GLI3: variants seen among roughly 807,000 people sequenced by gnomAD.
The protein encoded by GLI3 is GLI family zinc finger 3.
In GLI3, 20 loss-of-function variants were observed where a neutral mutation model predicts 100.8. The ratio of observed to expected loss-of-function variants is 0.20; its 90% confidence interval spans 0.14 to 0.29. GLI3 has a LOEUF of 0.29. GLI3 is among the 10% of genes least tolerant of loss of function. The probability of loss-of-function intolerance (pLI) is 1.00; values close to 1 mark genes in which losing one functional copy is unlikely to be tolerated. For missense variants in GLI3, 2,040 were observed against 2,128.5 expected (o/e 0.96, Z 0.82); for synonymous variants, 938 against 860.5 (o/e 1.09, Z -1.58).
chr7:42,207,976 G>T (rs1185665172), intron 2 of GLI3, among the ~76,000 whole-genome samples: 2 of 152,108 alleles, frequency 1.3e-5, no homozygotes, highest in African/African-American at 2.4e-5. Context: ...TGGCCAACGT[G>T]GCAAAACCCC....
At chr7:42,067,573 G>T (rs963941009) in intron 4 of GLI3, among the ~76,000 whole-genome samples, 1 of 152,136 alleles carries the variant, frequency 6.6e-6, no homozygotes, top group Non-Finnish European at 1.5e-5. Context: ...CCTGTTTCAT[G>T]TGTAACTTGT....
At position 42,148,346 on chromosome 7, in the gene GLI3, C is replaced by A. The variant is rs538102673; in HGVS notation, c.247G>T (p.Ala83Ser). ...EEPSTSSDER[A>S]SLIKKEIHGS... ...TGGATCTCTTTCTTGATCAATGAGGCCCTCTCGTCACTCGATGTTGAAGGT... is the reference window on the plus strand; with the variant it reads ...TGGATCTCTTTCTTGATCAATGAGGACCTCTCGTCACTCGATGTTGAAGGT... The change falls in exon 3 of 15, where the codon GCC becomes TCC. Residue 83 changes from alanine to serine, a missense_variant. Ala to Ser is a moderately conservative substitution (Grantham distance 99, BLOSUM62 1). Transcript: ENST00000395925. 1 of 1,613,970 alleles carries A rather than the reference C, an allele frequency of 6.2e-7. No homozygotes were observed. Among genetic ancestry groups the A allele is most frequent in the South Asian group, 1.1e-5 (1 of 91,040 alleles).
At chr7:42,046,289 C>T (rs375432303) in intron 5 of GLI3, among the ~76,000 whole-genome samples, 3 of 152,092 alleles carry the variant, frequency 2.0e-5, no homozygotes, top group South Asian at 2.1e-4. Flanking sequence ...TCCATGAGGT[C>T]GTCAGGAGCA....
intron 1 of GLI3, among the ~76,000 whole-genome samples, chr7:42,246,805 CTTTTTTTTTTT>C (rs71006467): frequency 1.7e-3 from 159 of 94,940 alleles, no homozygotes; most frequent in Middle Eastern, 7.9e-3. Context: ...ATGATAGAAT[CTTTTTTTTTTT>C]TTTTTTTTTT....
In GLI3 at chr7:42,076,742, T is replaced by C. The variant is rs1297900934; in HGVS notation, c.473+10A>G. On this transcript the variant is annotated intron_variant, in intron 4 of 14. Transcript: ENST00000395925. ...TCCATTTCATTAATGAAGAAAGTGT[T>C]AATACTTACATATGCAATGGAGGAA... 6.7e-7 allele frequency: 1 copy of C among 1,501,386 alleles called. No homozygotes were observed. The highest frequency in any genetic ancestry group is 1.1e-5 in the South Asian group (1 of 88,904). The allele number at this position is 1,501,386 out of a possible 1,614,324, so 93.0% of individuals were successfully genotyped here. A position where few individuals can be genotyped will look rare whatever the true frequency, so the allele number is the denominator to read the frequency against.
intron 3 of GLI3, among the ~76,000 whole-genome samples, chr7:42,089,717 A>C (rs1336031701): frequency 6.6e-6 from 1 of 152,250 alleles, no homozygotes; most frequent in Admixed American, 6.5e-5. Flanking sequence ...AAAACAAATT[A>C]CAATAATCAC....
intron 3 of GLI3, among the ~76,000 whole-genome samples, chr7:42,115,251 G>C (rs1785823842): frequency 1.4e-5 from 2 of 146,328 alleles, no homozygotes; most frequent in African/African-American, 5.1e-5. Flanking sequence ...CGATTCTCCT[G>C]CCTCAGCCTC....
In GLI3 at chr7:41,964,248, A is replaced by G. The variant is rs1562656246; in HGVS notation, c.*82T>C. On this transcript the variant is annotated 3_prime_UTR_variant, in exon 15 of 15. Transcript: ENST00000395925. ...AGATTGCTAAAATACATACAGAACTAAAAAAACAGCCAAAACAAAGTCAGT... is the reference window on the plus strand; with the variant it reads ...AGATTGCTAAAATACATACAGAACTGAAAAAACAGCCAAAACAAAGTCAGT... 1 of 1,251,202 alleles carries G rather than the reference A, an allele frequency of 8.0e-7. No homozygotes were observed. Among genetic ancestry groups the G allele is most frequent in the Non-Finnish European group, 1.2e-6 (1 of 860,346 alleles). The allele number at this position is 1,251,202 out of a possible 1,614,324, so 77.5% of individuals were successfully genotyped here.
intron 2 of GLI3, chr7:42,151,638 G>A (rs1440508431): frequency 2.6e-5 from 4 of 152,182 alleles, no homozygotes. Context: ...GCTTCTCTAT[G>A]TTTAACAGCT....
intron 1 of GLI3, among the ~76,000 whole-genome samples, chr7:42,255,002 C>A (rs1789070548): frequency 6.6e-6 from 1 of 152,162 alleles, no homozygotes; most frequent in African/African-American, 2.4e-5. Flanking sequence ...ACTGCCCCTT[C>A]CACTTTTCCA....
intron 10 of GLI3, among the ~76,000 whole-genome samples, chr7:41,984,503 ATG>A (rs1049716070): frequency 5.3e-5 from 8 of 152,144 alleles, no homozygotes; most frequent in African/African-American, 1.7e-4. Flanking sequence ...CAAGGCTCAA[ATG>A]TGTGTGTGCA....
Position 41,964,276 on chromosome 7 carries a change from A to T in GLI3, c.*54T>A. ...AAAACAGCCAAAACAAAGTCAGTTT[A>T]ATCTCTTCAACTCCTATTGATTTCC... On this transcript the variant is annotated 3_prime_UTR_variant, in exon 15 of 15. Coordinates refer to ENST00000395925, the MANE Select transcript of GLI3 (RefSeq NM_000168.6). The T allele has an allele frequency of 6.6e-7, 1 of 1,522,742 alleles. No homozygotes were observed. The highest frequency in any genetic ancestry group is 9.1e-7 in the Non-Finnish European group (1 of 1,097,922). 94.3% of individuals were successfully genotyped at this position (1,522,742 alleles called of 1,614,324 possible). A position where few individuals can be genotyped will look rare whatever the true frequency, so the allele number is the denominator to read the frequency against.
chr7:42,222,838 A>G (rs1788511780), intron 2 of GLI3: 1 of 382,968 alleles, frequency 2.6e-6, no homozygotes, highest in Non-Finnish European at 5.0e-6. Flanking sequence ...CTCTTGCCAG[A>G]CTAGTCAAGA....
intron 4 of GLI3, among the ~76,000 whole-genome samples, chr7:42,067,671 A>C (rs916059340): frequency 6.6e-6 from 1 of 152,142 alleles, no homozygotes; most frequent in Non-Finnish European, 1.5e-5. Flanking sequence ...TAGGCTGGCT[A>C]CCTAGGCCAT....
At chr7:42,230,209 T>C (rs1019940372) in intron 1 of GLI3, among the ~76,000 whole-genome samples, 5 of 152,174 alleles carry the variant, frequency 3.3e-5, no homozygotes, top group Admixed American at 6.5e-5. Flanking sequence ...TGATTATTTT[T>C]CCATAATCAG....
chr7:42,054,781 C>CA (rs1784418555), intron 4 of GLI3, among the ~76,000 whole-genome samples: 1 of 151,812 alleles, frequency 6.6e-6, no homozygotes, highest in Non-Finnish European at 1.5e-5. Flanking sequence ...CCTAGGAGTT[C>CA]AAGATCAATC....
intron 7 of GLI3, among the ~76,000 whole-genome samples, chr7:42,026,804 C>T (rs1001202238): frequency 2.3e-4 from 35 of 152,216 alleles, no homozygotes; most frequent in Non-Finnish European, 4.7e-4. Context: ...TCTTAGCTCA[C>T]ACTGCACGCT....
At position 41,994,851 on chromosome 7, in the gene GLI3, C is replaced by G. The variant is rs113461862; in HGVS notation, c.1498-16103G>C. ...AATCATTCAAGTCTTTAAAATCTTT[C>G]ATTTGACACTTCAGGCACATGCCTG... On this transcript the variant is annotated intron_variant, in intron 10 of 14. Coordinates refer to ENST00000395925, the MANE Select transcript of GLI3 (RefSeq NM_000168.6). Among the ~76,000 whole-genome samples, 470 of 152,302 alleles carry G rather than the reference C, an allele frequency of 3.1e-3. 6 individuals carry two copies. Among genetic ancestry groups the G allele is most frequent in the African/African-American group, 1.0e-2 (414 of 41,566 alleles).
At chr7:42,126,456 T>C (rs73688645) in intron 3 of GLI3, among the ~76,000 whole-genome samples, 4,728 of 152,264 alleles carry the variant, frequency 0.031, 248 homozygotes, top group African/African-American at 0.11. Context: ...CATACAAGAA[T>C]TCACAAGGTA....
Sources: gnomAD v4.1 joint callset for allele counts (sites outside exome capture counted in the v4.1 genomes callset) on GRCh38, gnomAD v4.1.1 for gene constraint, MANE v1.5 for transcripts, NCBI Gene and HGNC (gene_info 2026-07-23, HGNC 2026-07-21) for gene names.